Variants in RBFOX1 observed in about 807,000 individuals in gnomAD.
RBFOX1 encodes the protein RNA binding fox-1 homolog 1.
Under a neutral mutation model 57.7 loss-of-function variants are expected in RBFOX1, and 8 were observed. The observed-to-expected ratio is 0.14, with a 90% CI of 0.08 to 0.25. The LOEUF is 0.25. Ranked by LOEUF, RBFOX1 falls within the 10% of genes least tolerant of loss-of-function variation. The probability of loss-of-function intolerance (pLI) is 1.00; values close to 1 mark genes in which losing one functional copy is unlikely to be tolerated. For missense variants in RBFOX1, 611 were observed against 548.5 expected (o/e 1.11, Z -1.14); for synonymous variants, 326 against 222.4 (o/e 1.47, Z -4.15).
At chr16:6,798,012 A>G (rs2084490129) in intron 3 of RBFOX1, among the ~76,000 whole-genome samples, 1 of 152,120 alleles carries the variant, frequency 6.6e-6, no homozygotes, top group Non-Finnish European at 1.5e-5. Context: ...AGGGATGATG[A>G]TGATGATGAT....
chr16:6,905,294 C>G (rs967206371), intron 3 of RBFOX1, among the ~76,000 whole-genome samples: 1 of 151,942 alleles, frequency 6.6e-6, no homozygotes, highest in Non-Finnish European at 1.5e-5. Context: ...TAGGTCATTC[C>G]TGTAATCCTA....
chr16:7,183,392 C>T (rs955458455), intron 4 of RBFOX1, among the ~76,000 whole-genome samples: 8 of 152,160 alleles, frequency 5.3e-5, no homozygotes, highest in Admixed American at 2.0e-4. Flanking sequence ...TCTTTACCAG[C>T]ACTTGAGGCC....
chr16:5,859,642 TA>T (rs948604645), intron 3 of RBFOX1, among the ~76,000 whole-genome samples: 8 of 152,150 alleles, frequency 5.3e-5, no homozygotes, highest in Non-Finnish European at 1.0e-4. Flanking sequence ...ACAGGGAGGA[TA>T]AAACTCTGCC....
At chr16:5,486,784 T>G (rs1225233535) in intron 2 of RBFOX1, among the ~76,000 whole-genome samples, 3 of 151,144 alleles carry the variant, frequency 2.0e-5, no homozygotes, top group African/African-American at 4.9e-5. Context: ...CTGATAAAAC[T>G]CAGTGTTTTT....
intron 3 of RBFOX1, among the ~76,000 whole-genome samples, chr16:6,926,287 A>G (rs758120181): frequency 5.3e-5 from 8 of 152,140 alleles, no homozygotes; most frequent in Non-Finnish European, 8.8e-5. Context: ...AGCCTGGGCA[A>G]CAGAGCAAGA....
At chr16:7,696,528 A>G in intron 14 of RBFOX1, among the ~76,000 whole-genome samples, 1 of 145,712 alleles carries the variant, frequency 6.9e-6, no homozygotes, top group African/African-American at 2.8e-5. Flanking sequence ...AAGTTACTTA[A>G]TCAGTGACTA....
At chr16:7,567,476 TATGTATGGCCCTATATGTATATC>T (rs2092099014) in intron 5 of RBFOX1, among the ~76,000 whole-genome samples, 1 of 53,650 alleles carries the variant, frequency 1.9e-5, no homozygotes, top group Non-Finnish European at 4.5e-5. Context: ...TATATATCCC[TATGTATGGCCCTATATGTATATC>T]CCTATGTATG....
chr16:7,051,034 T>G (rs1230035019), intron 3 of RBFOX1, among the ~76,000 whole-genome samples: 2 of 152,208 alleles, frequency 1.3e-5, no homozygotes, highest in African/African-American at 4.8e-5. Context: ...CATCAAAAGT[T>G]GGTTCCTAAA....
rs560285850 is a variant in RBFOX1 at position 5,876,447 on chromosome 16, G to A, written c.351+9112G>A. 6.6e-4 allele frequency among the ~76,000 whole-genome samples: 100 copies of A among 152,226 alleles called. 1 individual carries two copies. The highest frequency in any genetic ancestry group is 6.8e-3 in the Middle Eastern group (2 of 294). ...AGGCTATCAGACCCCCAAACCAGCTGGGGTGCTTAGAAAGTGAAGTCAGGA... is the reference window on the plus strand; with the variant it reads ...AGGCTATCAGACCCCCAAACCAGCTAGGGTGCTTAGAAAGTGAAGTCAGGA... On this transcript the variant is annotated intron_variant, in intron 4 of 19. Coordinates refer to the RBFOX1 transcript ENST00000641259.
At chr16:6,837,004 C>A (rs561097172) in intron 3 of RBFOX1, among the ~76,000 whole-genome samples, 4 of 152,044 alleles carry the variant, frequency 2.6e-5, no homozygotes, top group African/African-American at 9.7e-5. Flanking sequence ...TAGCTTCTCA[C>A]GGATGAACAC....
At chr16:5,821,288 CTTTTTTTATTTTTTTT>C (rs1382138312) in intron 3 of RBFOX1, among the ~76,000 whole-genome samples, 4 of 125,450 alleles carry the variant, frequency 3.2e-5, no homozygotes, top group African/African-American at 1.2e-4. Flanking sequence ...GTCATTCTCT[CTTTTTTTATTTTTTTT>C]TTTTTTTTTG....
At chr16:5,742,818 C>T (rs1280024362) in intron 3 of RBFOX1, among the ~76,000 whole-genome samples, 4 of 152,150 alleles carry the variant, frequency 2.6e-5, no homozygotes, top group Non-Finnish European at 4.4e-5. Flanking sequence ...GGTAAGCTAG[C>T]CTGAAAGAAC....
At chr16:6,295,163 C>G (rs183051677) in intron 1 of RBFOX1, among the ~76,000 whole-genome samples, 1 of 145,184 alleles carries the variant, frequency 6.9e-6, no homozygotes, top group African/African-American at 2.6e-5. Flanking sequence ...CTCTCTCCAT[C>G]GCCAGGCTGG....
In RBFOX1 at chr16:6,529,753, C is replaced by G. The variant is rs1598989443; in HGVS notation, c.-63-124850C>G. On this transcript the variant is annotated intron_variant, in intron 2 of 15. Transcript: ENST00000550418. The stretch of plus-strand genomic sequence containing the variant: ...CGTACGGAAGAAGGTGTTTAAAGTT[C>G]TACAAAACGCCAAGTTGTAGTAACA... Among the ~76,000 whole-genome samples, 4 of 152,006 alleles carry G rather than the reference C, an allele frequency of 2.6e-5. No homozygotes were observed. The East Asian group carries it at 7.7e-4, about 29-fold the overall frequency.
intron 12 of RBFOX1, among the ~76,000 whole-genome samples, chr16:7,658,098 C>A (rs116794090): frequency 4.3e-4 from 66 of 152,236 alleles, no homozygotes; most frequent in African/African-American, 1.6e-3. Context: ...AAGGTGACAA[C>A]TTGGTCCATC....
intron 4 of RBFOX1, among the ~76,000 whole-genome samples, chr16:7,175,320 C>T (rs1026171652): frequency 6.6e-6 from 1 of 152,064 alleles, no homozygotes; most frequent in Non-Finnish European, 1.5e-5. Context: ...ATGAAATAAC[C>T]TTCTTCGCCT....
chr16:6,031,669 C>T (rs8053942), intron 1 of RBFOX1, among the ~76,000 whole-genome samples: 86,401 of 152,128 alleles, frequency 0.57, 26,913 homozygotes, highest in African/African-American at 0.84. Flanking sequence ...CATGCGCATA[C>T]GTGCATGTAT....
intron 4 of RBFOX1, among the ~76,000 whole-genome samples, chr16:7,207,011 T>G (rs957360680): frequency 3.9e-5 from 6 of 152,170 alleles, no homozygotes; most frequent in South Asian, 2.1e-4. Flanking sequence ...TGCAGCTCAG[T>G]GCAATGCCAT....
At chr16:6,201,275 C>T (rs1047521172) in intron 1 of RBFOX1, among the ~76,000 whole-genome samples, 4 of 152,268 alleles carry the variant, frequency 2.6e-5, no homozygotes, top group Admixed American at 2.0e-4. Context: ...CATAGAGGTG[C>T]AGACCTCTTC....
Sources: gnomAD v4.1 joint callset for allele counts (sites outside exome capture counted in the v4.1 genomes callset) on GRCh38, gnomAD v4.1.1 for gene constraint, MANE v1.5 for transcripts, NCBI Gene and HGNC (gene_info 2026-07-23, HGNC 2026-07-21) for gene names.